The following AMELY variants were observed in gnomAD, a reference collection of about 807,000 sequenced individuals.
AMELY encodes the protein amelogenin Y-linked.
Under a neutral mutation model 4.2 loss-of-function variants are expected in AMELY, and 4 were observed. That is an observed-to-expected ratio of 0.96 (90% CI 0.47 to 2.19). The LOEUF is 2.19. Among genes scored for constraint, AMELY ranks in the 30% most tolerant of loss-of-function variants. AMELY has a pLI of 0.02. For missense variants in AMELY, 32 were observed against 41.5 expected (o/e 0.77, Z 0.63); for synonymous variants, 11 against 14.7 (o/e 0.75, Z 0.57).
intron 1 of AMELY, among the ~76,000 whole-genome samples, chrY:6,880,707 TTTG>T (rs2054074544): frequency 3.0e-5 from 1 of 33,130 alleles, no homozygotes; most frequent in African/African-American, 1.2e-4. Context: ...AATTTCAGAA[TTTG>T]TTGTTGGTCT....
At chrY:6,866,314 C>T (rs2054061813) in intron 6 of AMELY, among the ~76,000 whole-genome samples, 1 of 33,396 alleles carries the variant, frequency 3.0e-5, no homozygotes, top group African/African-American at 1.2e-4. Context: ...ATAACAATTG[C>T]TACCTTTCTT....
At chrY:6,877,007 T>C in intron 1 of AMELY, among the ~76,000 whole-genome samples, 1 of 33,381 alleles carries the variant, frequency 3.0e-5, no homozygotes, top group Non-Finnish European at 7.4e-5. Flanking sequence ...GGTTAGGATG[T>C]GCTCCACACT....
Position 6,868,158 on chromosome Y carries a change from T to C in AMELY, c.452A>G (p.Gln151Arg). The stretch of plus-strand genomic sequence containing the variant: ...CAGAGGTGGCTGTGGCAGCAGGGGC[T>C]GCATGGGTTGCACAGGTGGCTGGGG... Reference protein sequence around the residue: ...MQPQPPVQPMQPLLPQPPLPP... With the variant: ...MQPQPPVQPMRPLLPQPPLPP... The change falls in exon 6 of 7, where the codon CAG becomes CGG. Residue 151 changes from glutamine to arginine, a missense_variant. Transcript: ENST00000651267. The C allele has an allele frequency of 2.0e-5, 8 of 395,303 alleles. No individual in the cohort carries two copies. Among genetic ancestry groups the C allele is most frequent in the Non-Finnish European group, 2.8e-5 (8 of 282,781 alleles).
chrY:6,909,683 T>C (rs2124086468), intron 1 of AMELY, among the ~76,000 whole-genome samples: 4 of 32,598 alleles, frequency 1.2e-4, no homozygotes, highest in Admixed American at 1.1e-3. Flanking sequence ...TGCTTTTTTG[T>C]TGGAGGATCG....
chrY:6,887,127 C>G, intron 1 of AMELY, among the ~76,000 whole-genome samples: 1 of 32,691 alleles, frequency 3.1e-5, no homozygotes, highest in Non-Finnish European at 7.5e-5. Context: ...AATAGTTCTT[C>G]AAATATGAAG....
chrY:6,876,066 T>C (rs2054071685), intron 1 of AMELY, among the ~76,000 whole-genome samples: 1 of 33,278 alleles, frequency 3.0e-5, no homozygotes, highest in Non-Finnish European at 7.4e-5. Context: ...CAGAGTTTGA[T>C]GACCAGTATC....
At chrY:6,901,374 G>T in intron 1 of AMELY, 1 of 37,066 alleles carries the variant, frequency 2.7e-5, no homozygotes, top group African/African-American at 1.2e-4. Flanking sequence ...CAGGCCTGAA[G>T]AGATAAAGTA....
chrY:6,887,010 C>CG (rs2054080481), intron 1 of AMELY, among the ~76,000 whole-genome samples: 2 of 33,632 alleles, frequency 5.9e-5, no homozygotes, highest in Non-Finnish European at 1.5e-4. Flanking sequence ...ATTCAATTAA[C>CG]AGACAGTATC....
chrY:6,895,817 A>G, intron 1 of AMELY, among the ~76,000 whole-genome samples: 1 of 33,048 alleles, frequency 3.0e-5, no homozygotes, highest in African/African-American at 1.2e-4. Flanking sequence ...CTTGATGGGG[A>G]TGGCATTGAA....
At position 6,898,471 on chromosome Y, in the gene AMELY, GT is replaced by G. The variant is rs781586611; in HGVS notation, c.-113+13201del. On this transcript the variant is annotated intron_variant, in intron 1 of 6. Coordinates refer to ENST00000651267, the MANE Select transcript of AMELY (RefSeq NM_001143.2). ...CCTCGAGCCCAGAGGACACTTCAAT[GT>G]CCCAGCTCAAGCTGTCAGTCAGAAG... 6.0e-4 allele frequency among the ~76,000 whole-genome samples: 20 copies of G among 33,086 alleles called. No homozygotes were observed. In the South Asian group the frequency reaches 0.014, roughly 23 times the overall value. The allele number at this position is 33,086 out of a possible 37,273, so 88.8% of individuals were successfully genotyped here.
At chrY:6,878,685 A>T in intron 1 of AMELY, among the ~76,000 whole-genome samples, 1 of 33,562 alleles carries the variant, frequency 3.0e-5, no homozygotes, top group Admixed American at 2.7e-4. Flanking sequence ...GAAGGGGGTT[A>T]AAATACATTA....
chrY:6,888,249 C>G, intron 1 of AMELY, among the ~76,000 whole-genome samples: 2 of 33,597 alleles, frequency 6.0e-5, no homozygotes, highest in Non-Finnish European at 1.5e-4. Context: ...TTGCATTTCT[C>G]TAATGATCAA....
chrY:6,869,167 G>A lies in AMELY; in HGVS notation c.103-391C>T. The stretch of plus-strand genomic sequence containing the variant: ...AGCAAAGCAAACATAAAATTATGCC[G>A]CAATAATGTGACATAATGTTAATTT... On this transcript the variant is annotated intron_variant, in intron 4 of 6. Coordinates refer to ENST00000651267, the MANE Select transcript of AMELY (RefSeq NM_001143.2). Among the ~76,000 whole-genome samples, 5 of 33,669 alleles carry A rather than the reference G, an allele frequency of 1.5e-4. No homozygotes were observed. The South Asian group carries it at 2.0e-3, about 13-fold the overall frequency. The allele number at this position is 33,669 out of a possible 37,273, so 90.3% of individuals were successfully genotyped here.
intron 3 of AMELY, 137 bp downstream of exon 3, chrY:6,872,418 G>C: frequency 1.2e-5 from 2 of 170,685 alleles, no homozygotes; most frequent in Non-Finnish European, 2.1e-5. Context: ...ATTCCCCAAA[G>C]TGTTTCTTCA....
chrY:6,898,399 A>T, intron 1 of AMELY, among the ~76,000 whole-genome samples: 1 of 33,682 alleles, frequency 3.0e-5, no homozygotes, highest in Non-Finnish European at 7.3e-5. Context: ...CCTGAGAGAT[A>T]AAGAGCCAAT....
chrY:6,894,571 C>T lies in AMELY; in HGVS notation c.-113+17102G>A, dbSNP rs1603022854. Among the ~76,000 whole-genome samples the T allele has an allele frequency of 9.0e-5, 3 of 33,366 alleles. No homozygotes were observed. In the East Asian group the frequency reaches 2.4e-3, roughly 26 times the overall value. The allele number at this position is 33,366 out of a possible 37,273, so 89.5% of individuals were successfully genotyped here. Reference sequence around the variant, plus strand: ...ACTGAACTAGGACATCTCCTGTGCACGTTAATTCCTGTACTTCCTCAGGTA... The same window carrying T: ...ACTGAACTAGGACATCTCCTGTGCATGTTAATTCCTGTACTTCCTCAGGTA... On this transcript the variant is annotated intron_variant, in intron 1 of 6. Coordinates refer to ENST00000651267, the MANE Select transcript of AMELY (RefSeq NM_001143.2).
At chrY:6,886,077 T>A (rs2054079962) in intron 1 of AMELY, among the ~76,000 whole-genome samples, 1 of 34,109 alleles carries the variant, frequency 2.9e-5, no homozygotes, top group Non-Finnish European at 7.3e-5. Flanking sequence ...GAAAATTGAT[T>A]AATAGTCTGC....
chrY:6,900,117 A>G (rs1280560113), intron 1 of AMELY, among the ~76,000 whole-genome samples: 3 of 33,710 alleles, frequency 8.9e-5, no homozygotes, highest in Non-Finnish European at 2.2e-4. Context: ...CTGAAAGGTT[A>G]TATAGCTTGT....
chrY:6,903,585 A>G (rs2011656368), intron 1 of AMELY, among the ~76,000 whole-genome samples: 1 of 33,700 alleles, frequency 3.0e-5, no homozygotes, highest in African/African-American at 1.2e-4. Flanking sequence ...TGGCTTCAAA[A>G]GGCCATTCCA....
Sources: gnomAD v4.1 joint callset for allele counts (sites outside exome capture counted in the v4.1 genomes callset) on GRCh38, gnomAD v4.1.1 for gene constraint, MANE v1.5 for transcripts, NCBI Gene and HGNC (gene_info 2026-07-23, HGNC 2026-07-21) for gene names.